The following ZNF560 variants were observed in gnomAD, a reference collection of about 807,000 sequenced individuals.
ZNF560 encodes the protein zinc finger protein 560.
Under a neutral mutation model 81.8 loss-of-function variants are expected in ZNF560, and 54 were observed. That is an observed-to-expected ratio of 0.66 (90% confidence interval 0.53 to 0.83). The LOEUF (loss-of-function observed/expected upper bound fraction) is 0.83. ZNF560 is among the 40% of genes least tolerant of loss of function. ZNF560 has a pLI of 0.00. For synonymous variants in ZNF560, 321 were observed against 317.9 expected, an observed-to-expected ratio of 1.01 and a Z score of -0.10; for missense variants, 940 against 932.4, an observed-to-expected ratio of 1.01 and a Z score of -0.11.
downstream of ZNF560, among the ~76,000 whole-genome samples, chr19:9,462,724 T>C (rs577376443): frequency 1.2e-4 from 18 of 152,300 alleles, no homozygotes; most frequent in African/African-American, 4.1e-4. Context: ...ATTACAAAGA[T>C]AATATAACAT....
At chr19:9,460,146 C>T in the ZNF560 span, among the ~76,000 whole-genome samples, 1 of 152,148 alleles carries the variant, frequency 6.6e-6, no homozygotes, top group Non-Finnish European at 1.5e-5. Context: ...CTACTATGAG[C>T]CAGATAACGA....
At chr19:9,497,979 A>G (rs2073589083) in intron 2 of ZNF560, 149 bp downstream of exon 2, 1 of 152,222 alleles carries the variant, frequency 6.6e-6, no homozygotes, top group Non-Finnish European at 1.5e-5. Flanking sequence ...CTAGACAACT[A>G]AGAAAGCACC....
chr19:9,470,908 A>T (rs568330559), intron 6 of ZNF560, among the ~76,000 whole-genome samples: 1 of 152,356 alleles, frequency 6.6e-6, no homozygotes, highest in South Asian at 2.1e-4. Context: ...ATAAATATGC[A>T]GTTGGCACCA....
At chr19:9,494,106 G>A (rs2073516467) in intron 2 of ZNF560, among the ~76,000 whole-genome samples, 1 of 149,528 alleles carries the variant, frequency 6.7e-6, no homozygotes, top group African/African-American at 2.5e-5. Flanking sequence ...CTCCCAGCCT[G>A]GGCGAAAGAG....
chr19:9,498,726 G>C (rs2073602750), upstream of ZNF560: 1 of 152,400 alleles, frequency 6.6e-6, no homozygotes, highest in African/African-American at 2.4e-5. Context: ...CTCCGCGTGG[G>C]TGCGGAGGTA....
chr19:9,466,957 C>G lies in ZNF560; in HGVS notation c.1990G>C (p.Ala664Pro), dbSNP rs1213692512. The G allele has an allele frequency of 1.9e-6, 3 of 1,613,956 alleles. No homozygotes were observed. Among genetic ancestry groups the G allele is most frequent in the Non-Finnish European group, 2.5e-6 (3 of 1,180,038 alleles). The change falls in exon 10 of 10, where the codon GCT becomes CCT. Residue 664 changes from alanine to proline, a missense_variant. By Grantham distance (27) the Ala-to-Pro change is conservative. Coordinates refer to ENST00000301480, the MANE Select transcript of ZNF560 (RefSeq NM_152476.3). ...KPYKCNACEK[A>P]YSRSCVLTQH... is the part of the protein sequence containing the mutation. ...GTTAGTACACAAGACCTACTGTAAG[C>G]TTTTTCACATGCATTACATTTATAG...
chr19:9,464,332 G>A (rs1462788219), downstream of ZNF560, among the ~76,000 whole-genome samples: 1 of 152,158 alleles, frequency 6.6e-6, no homozygotes, highest in East Asian at 1.9e-4. Flanking sequence ...AGGCATATAT[G>A]ACTGCTTTGC....
At chr19:9,456,600 A>C in the ZNF560 span, among the ~76,000 whole-genome samples, 4 of 152,214 alleles carry the variant, frequency 2.6e-5, no homozygotes, top group Admixed American at 2.6e-4. Context: ...TGGTAGATAC[A>C]GGAGTGGACA....
chr19:9,482,260 A>C (rs1185992642), intron 2 of ZNF560, among the ~76,000 whole-genome samples: 2 of 151,378 alleles, frequency 1.3e-5, no homozygotes, highest in African/African-American at 2.4e-5. Context: ...AATATCACAC[A>C]CCAGGGCCTG....
At chr19:9,497,038 C>T (rs1489339667) in intron 2 of ZNF560, among the ~76,000 whole-genome samples, 1 of 151,750 alleles carries the variant, frequency 6.6e-6, no homozygotes, top group Non-Finnish European at 1.5e-5. Flanking sequence ...CAAAGTTGGG[C>T]GTGGTAAGCG....
chr19:9,496,894 C>A (rs1372264018), intron 2 of ZNF560, among the ~76,000 whole-genome samples: 2 of 151,772 alleles, frequency 1.3e-5, no homozygotes, highest in East Asian at 3.9e-4. Flanking sequence ...CGAGATCACA[C>A]CACTGCACTC....
At chr19:9,489,243 T>A (rs1306515165) in intron 2 of ZNF560, among the ~76,000 whole-genome samples, 1 of 152,044 alleles carries the variant, frequency 6.6e-6, no homozygotes, top group African/African-American at 2.4e-5. Flanking sequence ...TCCCAGACAG[T>A]GGGGCGGCCA....
At position 9,467,623 on chromosome 19, in the gene ZNF560, T is replaced by C. The variant is rs1275633487; in HGVS notation, c.1324A>G (p.Ile442Val). 3 of 1,613,974 alleles carry C rather than the reference T, an allele frequency of 1.9e-6. No individual in the cohort carries two copies. The highest frequency in any genetic ancestry group is 1.3e-5 in the African/African-American group (1 of 75,002). Residue 442 changes from isoleucine (I) to valine (V), a missense_variant, in exon 10 of 10, where the codon ATT becomes GTT. By Grantham distance (29) the Ile-to-Val change is conservative. Coordinates refer to ENST00000301480, the MANE Select transcript of ZNF560 (RefSeq NM_152476.3). ...TGTCCAAAAAGAGATGGGTAAGAAATAAAGGCTTTCCCACAGTGGTCACAT... is the reference window on the plus strand; with the variant it reads ...TGTCCAAAAAGAGATGGGTAAGAAACAAAGGCTTTCCCACAGTGGTCACAT... ...FKCDHCGKAF[I>V]SYPSLFGHLR...
chr19:9,494,735 T>TCAAAA (rs1179440808), intron 2 of ZNF560, among the ~76,000 whole-genome samples: 8 of 146,608 alleles, frequency 5.5e-5, no homozygotes, highest in Admixed American at 2.0e-4. Flanking sequence ...AAACTCCGTC[T>TCAAAA]CAAAACAAAA....
upstream of ZNF560, among the ~76,000 whole-genome samples, chr19:9,501,381 G>GT (rs2073632094): frequency 4.5e-5 from 6 of 133,874 alleles, no homozygotes; most frequent in Admixed American, 7.8e-5. Context: ...GTGTGTGTGT[G>GT]GAGTGTTGCT....
At chr19:9,479,930 G>A (rs1388699397) in intron 2 of ZNF560, among the ~76,000 whole-genome samples, 1 of 152,090 alleles carries the variant, frequency 6.6e-6, no homozygotes, top group Non-Finnish European at 1.5e-5. Flanking sequence ...AGATTCCAAA[G>A]GATGACTACA....
At chr19:9,460,189 C>T in the ZNF560 span, among the ~76,000 whole-genome samples, 1 of 152,186 alleles carries the variant, frequency 6.6e-6, no homozygotes, top group Non-Finnish European at 1.5e-5. Flanking sequence ...CAAACACCCA[C>T]TGGTGGCAGC....
At chr19:9,450,420 T>G in the ZNF560 span, among the ~76,000 whole-genome samples, 1 of 152,174 alleles carries the variant, frequency 6.6e-6, no homozygotes, top group Non-Finnish European at 1.5e-5. Flanking sequence ...TCTTCACTGA[T>G]GATATGAGTC....
downstream of ZNF560, among the ~76,000 whole-genome samples, chr19:9,462,583 C>T (rs570949490): frequency 4.4e-4 from 67 of 151,892 alleles, no homozygotes; most frequent in Non-Finnish European, 8.8e-4. Flanking sequence ...TCTCCATGAC[C>T]GACCTGGTCT....
Sources: gnomAD v4.1 joint callset for allele counts (sites outside exome capture counted in the v4.1 genomes callset) on GRCh38, gnomAD v4.1.1 for gene constraint, MANE v1.5 for transcripts, NCBI Gene and HGNC (gene_info 2026-07-23, HGNC 2026-07-21) for gene names.